Variants in GRIA1 observed in about 807,000 individuals in gnomAD.
GRIA1 encodes the protein glutamate ionotropic receptor AMPA type subunit 1.
GRIA1 carries 31 observed loss-of-function variants against 99.2 expected under a neutral mutation model. The observed-to-expected ratio is 0.31, with a 90% CI of 0.23 to 0.42. The LOEUF (loss-of-function observed/expected upper bound fraction) is 0.42. Ranked by LOEUF, GRIA1 falls within the 10% of genes least tolerant of loss-of-function variation. The pLI, the probability that GRIA1 is intolerant of heterozygous loss-of-function variation, is 1.00. For synonymous variants in GRIA1, 438 were observed against 432.4 expected (o/e 1.01, Z -0.16); for missense variants, 782 against 1,157.5 (o/e 0.68, Z 4.71).
At chr5:153,499,485 C>T (rs515808) in intron 2 of GRIA1, among the ~76,000 whole-genome samples, 45,910 of 151,338 alleles carry the variant, frequency 0.3, 7,356 homozygotes, top group Non-Finnish European at 0.36. Context: ...CGTGGTGGCA[C>T]GCACCTGTAG....
intron 11 of GRIA1, among the ~76,000 whole-genome samples, chr5:153,725,971 A>G (rs10060616): frequency 0.095 from 13,088 of 137,226 alleles, 705 homozygotes; most frequent in Middle Eastern, 0.19. Flanking sequence ...CTATTCCAAA[A>G]TTGACCACAT....
intron 2 of GRIA1, among the ~76,000 whole-genome samples, chr5:153,635,150 A>G (rs1159460356): frequency 6.6e-6 from 1 of 152,202 alleles, no homozygotes; most frequent in Non-Finnish European, 1.5e-5. Flanking sequence ...ATTTGCACGT[A>G]TGACTTTCAT....
At chr5:153,627,954 G>A (rs1024478579) in intron 2 of GRIA1, among the ~76,000 whole-genome samples, 2 of 152,126 alleles carry the variant, frequency 1.3e-5, no homozygotes, top group African/African-American at 4.8e-5. Context: ...TGTCCTCACA[G>A]GAAGGACTCA....
At chr5:153,643,081 T>C (rs1003403885) in intron 2 of GRIA1, among the ~76,000 whole-genome samples, 2 of 152,116 alleles carry the variant, frequency 1.3e-5, no homozygotes, top group African/African-American at 4.8e-5. Flanking sequence ...GATCCCAGGA[T>C]TTTGTTACAA....
At chr5:153,808,549 T>C (rs1766596774) in intron 15 of GRIA1, among the ~76,000 whole-genome samples, 1 of 152,176 alleles carries the variant, frequency 6.6e-6, no homozygotes, top group Non-Finnish European at 1.5e-5. Context: ...TTGCTTGCAT[T>C]TTTGAATCAC....
chr5:153,759,145 A>G (rs1361490347), intron 11 of GRIA1, among the ~76,000 whole-genome samples: 1 of 150,496 alleles, frequency 6.6e-6, no homozygotes, highest in Non-Finnish European at 1.5e-5. Context: ...TTAACAACCT[A>G]GCATTGAACT....
chr5:153,811,235 A>T lies in GRIA1; in HGVS notation c.*10A>T. The T allele has an allele frequency of 6.2e-7, 1 of 1,609,216 alleles. No individual in the cohort carries two copies. The highest frequency in any genetic ancestry group is 8.5e-7 in the Non-Finnish European group (1 of 1,175,588). The stretch of plus-strand genomic sequence containing the variant: ...AGCCACGGGATTGTAACTGGAGCAG[A>T]TGGAGACCCCTTGGGGAGCAGGCTC... On this transcript the variant is annotated 3_prime_UTR_variant, in exon 16 of 16. Coordinates refer to ENST00000285900, the MANE Select transcript of GRIA1 (RefSeq NM_000827.4).
At chr5:153,805,828 A>G (rs1766389183) in intron 15 of GRIA1, among the ~76,000 whole-genome samples, 1 of 152,222 alleles carries the variant, frequency 6.6e-6, no homozygotes, top group Non-Finnish European at 1.5e-5. Context: ...TTCAGAAGCC[A>G]ACATCAGGGT....
At chr5:153,660,305 A>G (rs1291643484) in intron 5 of GRIA1, among the ~76,000 whole-genome samples, 1 of 152,234 alleles carries the variant, frequency 6.6e-6, no homozygotes, top group Non-Finnish European at 1.5e-5. Context: ...GCTACATTCT[A>G]GACACTATGA....
Position 153,610,067 on chromosome 5 carries a change from C to G in GRIA1, c.221-36861C>G, listed in dbSNP as rs367824513. ...TAAAATATTTAGTGGGCCCAGAACTCCTCTATGAGGACAGATTGCCAGACT... is the reference window on the plus strand; with the variant it reads ...TAAAATATTTAGTGGGCCCAGAACTGCTCTATGAGGACAGATTGCCAGACT... On this transcript the variant is annotated intron_variant, in intron 2 of 15. Transcript: ENST00000285900. Among the ~76,000 whole-genome samples, 8 of 152,190 alleles carry G rather than the reference C, an allele frequency of 5.3e-5. No homozygotes were observed. In the East Asian group the frequency reaches 1.4e-3, roughly 26 times the overall value.
rs577538867 is a variant in GRIA1 at position 153,584,739 on chromosome 5, G to T, written c.221-62189G>T. Among the ~76,000 whole-genome samples the T allele has an allele frequency of 2.6e-4, 40 of 152,290 alleles. No homozygotes were observed. The South Asian group carries it at 7.9e-3, about 30-fold the overall frequency. On this transcript the variant is annotated intron_variant, in intron 2 of 15. Coordinates refer to ENST00000285900, the MANE Select transcript of GRIA1 (RefSeq NM_000827.4). ...ATGTTTTATGCCATTGTACAAGGCA[G>T]GAATGTCATGTTTTGAAATGAGATG...
At chr5:153,737,076 T>C (rs535323158) in intron 11 of GRIA1, among the ~76,000 whole-genome samples, 1 of 152,286 alleles carries the variant, frequency 6.6e-6, no homozygotes, top group South Asian at 2.1e-4. Context: ...GGTTAGGCTG[T>C]AAGCCTCGAA....
At chr5:153,636,793 G>A (rs923934260) in intron 2 of GRIA1, among the ~76,000 whole-genome samples, 1 of 152,204 alleles carries the variant, frequency 6.6e-6, no homozygotes, top group African/African-American at 2.4e-5. Flanking sequence ...TTCATGTAAG[G>A]CACTTAGCTT....
chr5:153,556,717 ATC>A (rs1760679248), intron 2 of GRIA1, among the ~76,000 whole-genome samples: 1 of 152,204 alleles, frequency 6.6e-6, no homozygotes, highest in Admixed American at 6.5e-5. Flanking sequence ...TAGAGCAAGG[ATC>A]TCTCACCTGA....
At chr5:153,755,722 C>A (rs535162773) in intron 11 of GRIA1, 1 of 152,190 alleles carries the variant, frequency 6.6e-6, no homozygotes, top group Non-Finnish European at 1.5e-5. Context: ...TAGGAGATAA[C>A]CTGCTCATAT....
At position 153,650,514 on chromosome 5, in the gene GRIA1, G is replaced by A. The variant is rs1754483673; in HGVS notation, c.645G>A (p.Gln215=). ...AACGCCTCAATGCTATCTTGGGCCA[G>A]GTAGTGAAAGCAGCAAGGGCTCAGG... ...ESERLNAILG[Q]IIKLEKNGIG... is the part of the protein sequence containing the mutation. Residue 215 remains glutamine, a splice_region_variant and synonymous_variant, in exon 4 of 16, where the codon CAG becomes CAA. Coordinates refer to ENST00000285900, the MANE Select transcript of GRIA1 (RefSeq NM_000827.4). 1 of 1,613,244 alleles carries A rather than the reference G, an allele frequency of 6.2e-7. No homozygotes were observed. The highest frequency in any genetic ancestry group is 8.5e-7 in the Non-Finnish European group (1 of 1,179,596).
intron 2 of GRIA1, among the ~76,000 whole-genome samples, chr5:153,571,574 G>A (rs1003140657): frequency 1.7e-4 from 26 of 152,006 alleles, no homozygotes; most frequent in African/African-American, 4.1e-4. Context: ...TACATGAGTC[G>A]TACAAAATCA....
At chr5:153,667,105 T>TTCAGAGTATACA (rs1755804170) in intron 5 of GRIA1, among the ~76,000 whole-genome samples, 1 of 152,252 alleles carries the variant, frequency 6.6e-6, no homozygotes. Flanking sequence ...AAACTTGGCA[T>TTCAGAGTATACA]GTTCAACCTG....
At chr5:153,776,744 G>A (rs1447186377) in intron 13 of GRIA1, among the ~76,000 whole-genome samples, 1 of 152,212 alleles carries the variant, frequency 6.6e-6, no homozygotes, top group Non-Finnish European at 1.5e-5. Context: ...AAGAAAAGGA[G>A]GGTGGTTAAG....
Sources: allele counts gnomAD v4.1 joint callset (sites outside exome capture counted in the v4.1 genomes callset), GRCh38; gene constraint gnomAD v4.1.1; transcripts MANE v1.5; gene names NCBI Gene and HGNC (gene_info 2026-07-23, HGNC 2026-07-21).